KLHL26: variants seen among roughly 807,000 people sequenced by gnomAD.
KLHL26 encodes the protein kelch like family member 26.
Under a neutral mutation model 7.1 loss-of-function variants are expected in KLHL26, and 4 were observed. That is an observed-to-expected ratio of 0.56 (90% confidence interval 0.28 to 1.28). The LOEUF (loss-of-function observed/expected upper bound fraction) is 1.28, where lower values mean the gene tolerates loss of function less well. KLHL26 is among the 50% of genes most tolerant of loss of function. The probability of loss-of-function intolerance (pLI) is 0.11; values close to 1 mark genes in which losing one functional copy is unlikely to be tolerated. For missense variants in KLHL26, 896 were observed against 924.6 expected (o/e 0.97, Z 0.40); for synonymous variants, 465 against 414.1 (o/e 1.12, Z -1.49).
rs373143236 is a variant in KLHL26 at position 18,667,749 on chromosome 19, A to G, written c.352A>G (p.Ile118Val). ...GTCGGCCCGTGGCCTGCGGCACATC[A>G]TCGACTTCGCCTACAGCGCCGAGGT... ...GVSARGLRHI[I>V]DFAYSAEVTL... The change falls in exon 3 of 3, where the codon ATC (isoleucine) becomes GTC (valine). Residue 118 changes from isoleucine to valine, a missense_variant. Transcript: ENST00000300976. The G allele has an allele frequency of 6.8e-5, 110 of 1,613,140 alleles. No homozygotes were observed. Among genetic ancestry groups the G allele is most frequent in the Non-Finnish European group, 6.8e-5 (80 of 1,180,002 alleles).
chr19:18,647,179 A>G (rs1976818910), intron 1 of KLHL26, among the ~76,000 whole-genome samples: 1 of 152,140 alleles, frequency 6.6e-6, no homozygotes, highest in Admixed American at 6.5e-5. Flanking sequence ...GAAAGCACTC[A>G]CTTCAACCTG....
chr19:18,671,365 C>G lies in KLHL26; in HGVS notation c.*2120C>G, dbSNP rs1349052355. ...AAAGCCGAGTTCCCTGGGGACTTACCAGAACATTCCAGCCCCACCCCCGAC... is the reference window on the plus strand; with the variant it reads ...AAAGCCGAGTTCCCTGGGGACTTACGAGAACATTCCAGCCCCACCCCCGAC... On this transcript the variant is annotated 3_prime_UTR_variant, in exon 3 of 3. Transcript: ENST00000300976. 2.0e-5 allele frequency: 3 copies of G among 152,260 alleles called. No homozygotes were observed. Among genetic ancestry groups the G allele is most frequent in the African/African-American group, 7.2e-5 (3 of 41,452 alleles). The allele number at this position is 152,260 out of a possible 1,614,324, so 9.4% of individuals were successfully genotyped here.
At chr19:18,663,295 A>G (rs1276115294) in intron 1 of KLHL26, among the ~76,000 whole-genome samples, 3 of 152,104 alleles carry the variant, frequency 2.0e-5, no homozygotes, top group Admixed American at 6.5e-5. Flanking sequence ...GTTTGTCTTG[A>G]TCACTCACCC....
At chr19:18,661,794 C>T (rs1419197157) in intron 1 of KLHL26, among the ~76,000 whole-genome samples, 1 of 152,082 alleles carries the variant, frequency 6.6e-6, no homozygotes, top group Non-Finnish European at 1.5e-5. Context: ...CTTCATAAGC[C>T]CCCCGAGAGT....
At chr19:18,664,774 C>T (rs892557539) in intron 2 of KLHL26, among the ~76,000 whole-genome samples, 8 of 151,880 alleles carry the variant, frequency 5.3e-5, no homozygotes, top group South Asian at 2.1e-4. Context: ...TTAGTAGAGA[C>T]GGGGTTTCAC....
intron 1 of KLHL26, among the ~76,000 whole-genome samples, chr19:18,658,128 C>G (rs932989040): frequency 1.3e-5 from 2 of 151,788 alleles, no homozygotes; most frequent in African/African-American, 4.8e-5. Flanking sequence ...GGCGGGGGAG[C>G]AGGGGCACGC....
At chr19:18,647,300 C>G (rs972317625) in intron 1 of KLHL26, among the ~76,000 whole-genome samples, 4 of 152,228 alleles carry the variant, frequency 2.6e-5, no homozygotes, top group African/African-American at 9.6e-5. Flanking sequence ...GGCTTTATTA[C>G]CCTCCGCCAT....
chr19:18,638,281 C>T (rs1380302817), intron 1 of KLHL26, among the ~76,000 whole-genome samples: 4 of 152,172 alleles, frequency 2.6e-5, no homozygotes, highest in East Asian at 1.9e-4. Context: ...GCCTGATGGC[C>T]TGGCTGTGTG....
chr19:18,647,636 A>AGAG (rs1600687823), intron 1 of KLHL26, among the ~76,000 whole-genome samples: 2 of 151,166 alleles, frequency 1.3e-5, no homozygotes, highest in African/African-American at 2.4e-5. Flanking sequence ...GAGGAGGAAG[A>AGAG]GAGGAGGAGG....
Position 18,669,182 on chromosome 19 carries a change from G to T in KLHL26, c.1785G>T (p.Pro595=). The change falls in exon 3 of 3, where the codon CCG becomes CCT. Residue 595 remains proline, a synonymous_variant. Transcript: ENST00000300976. ...AGTGGGAGCGGGACCTGCACTTCCCGGAGTCCTTCGCAGGCATAGCCTGCG... is the reference window on the plus strand; with the variant it reads ...AGTGGGAGCGGGACCTGCACTTCCCTGAGTCCTTCGCAGGCATAGCCTGCG... The part of the protein sequence containing the change: ...TDEWERDLHF[P]ESFAGIACAP... 7 of 1,612,600 alleles carry T rather than the reference G, an allele frequency of 4.3e-6. No individual in the cohort carries two copies. Among genetic ancestry groups the T allele is most frequent in the Non-Finnish European group, 5.9e-6 (7 of 1,179,956 alleles).
At chr19:18,647,264 G>A (rs1212765019) in intron 1 of KLHL26, among the ~76,000 whole-genome samples, 4 of 152,278 alleles carry the variant, frequency 2.6e-5, no homozygotes, top group South Asian at 2.1e-4. Context: ...CCTCCTTGTC[G>A]TTGTCCGTAG....
chr19:18,669,628 T>A lies in KLHL26; in HGVS notation c.*383T>A. On this transcript the variant is annotated 3_prime_UTR_variant, in exon 3 of 3. Coordinates refer to ENST00000300976, the MANE Select transcript of KLHL26 (RefSeq NM_018316.3). ...AGCCCCACGGTTTCAGGCATTCAGATGTGAGCTCATCAACATTGAACCCAA... is the reference window on the plus strand; with the variant it reads ...AGCCCCACGGTTTCAGGCATTCAGAAGTGAGCTCATCAACATTGAACCCAA... 2.3e-6 allele frequency: 1 copy of A among 434,188 alleles called. No individual in the cohort carries two copies. The highest frequency in any genetic ancestry group is 3.7e-5 in the East Asian group (1 of 26,894). The allele number at this position is 434,188 out of a possible 1,614,324, so 26.9% of individuals were successfully genotyped here. A position where few individuals can be genotyped will look rare whatever the true frequency, so the allele number is the denominator to read the frequency against.
At chr19:18,663,856 C>T (rs2052416499) in intron 1 of KLHL26, among the ~76,000 whole-genome samples, 1 of 147,216 alleles carries the variant, frequency 6.8e-6, no homozygotes, top group Non-Finnish European at 1.5e-5. Flanking sequence ...GGGGCTGTGG[C>T]GGGGCTTGCA....
intron 1 of KLHL26, among the ~76,000 whole-genome samples, chr19:18,660,296 A>G (rs1187213222): frequency 6.6e-6 from 1 of 152,168 alleles, no homozygotes; most frequent in Non-Finnish European, 1.5e-5. Flanking sequence ...AATGGCCCCT[A>G]GCCCGGGCCA....
In KLHL26 at chr19:18,648,091, G is replaced by A. The variant is rs1976837626; in HGVS notation, c.83+10954G>A. Reference sequence around the variant, plus strand: ...TTTTGAAAGGATCCCTCTGTAGGCCGGGTGTGGTGGCTCACACCTGTATTC... The same window carrying A: ...TTTTGAAAGGATCCCTCTGTAGGCCAGGTGTGGTGGCTCACACCTGTATTC... On this transcript the variant is annotated intron_variant, in intron 1 of 2. Coordinates refer to ENST00000300976, the MANE Select transcript of KLHL26 (RefSeq NM_018316.3). The surrounding 1 kb of genome is among the most constrained non-coding windows in gnomAD (Gnocchi z 4.9). 6.6e-6 allele frequency among the ~76,000 whole-genome samples: 1 copy of A among 152,222 alleles called. No homozygotes were observed. The highest frequency in any genetic ancestry group is 2.4e-5 in the African/African-American group (1 of 41,450).
chr19:18,646,956 C>T lies in KLHL26; in HGVS notation c.83+9819C>T, dbSNP rs866433583. ...GCCTGGGAGCAGGAGCTCGGCAGGG[C>T]GGGGGCAGGGGCGGCGGGGGGTGGC... On this transcript the variant is annotated intron_variant, in intron 1 of 2. Coordinates refer to ENST00000300976, the MANE Select transcript of KLHL26 (RefSeq NM_018316.3). The surrounding 1 kb of genome is among the most constrained non-coding windows in gnomAD (Gnocchi z 5.0). 2.4e-4 allele frequency among the ~76,000 whole-genome samples: 9 copies of T among 37,568 alleles called. 2 individuals are homozygous for T. In the Middle Eastern group the frequency reaches 0.058, roughly 241 times the overall value. 24.6% of individuals were successfully genotyped at this position (37,568 alleles called of 152,430 possible). A position where few individuals can be genotyped will look rare whatever the true frequency, so the allele number is the denominator to read the frequency against.
intron 1 of KLHL26, among the ~76,000 whole-genome samples, chr19:18,639,403 GTTTT>G (rs34034254): frequency 7.0e-5 from 5 of 71,228 alleles, no homozygotes. Flanking sequence ...TTATCATTAA[GTTTT>G]TTTTTTTTTT....
intron 1 of KLHL26, among the ~76,000 whole-genome samples, chr19:18,661,417 A>G (rs1257147164): frequency 1.3e-5 from 2 of 152,096 alleles, no homozygotes; most frequent in Admixed American, 6.6e-5. Context: ...TCTCTGTCCA[A>G]CTTCTCAGTT....
At chr19:18,643,100 G>A (rs1487500520) in intron 1 of KLHL26, among the ~76,000 whole-genome samples, 2 of 151,472 alleles carry the variant, frequency 1.3e-5, no homozygotes, top group African/African-American at 4.8e-5. Flanking sequence ...CCAAAGTGTT[G>A]GGATTACAGG....
Sources: gnomAD v4.1 joint callset for allele counts (sites outside exome capture counted in the v4.1 genomes callset) on GRCh38, gnomAD v4.1.1 for gene constraint, Gnocchi (gnomAD v3.1) non-coding constraint, MANE v1.5 for transcripts, NCBI Gene and HGNC (gene_info 2026-07-23, HGNC 2026-07-21) for gene names.